AKAP13: variants seen among roughly 807,000 people sequenced by gnomAD.
The protein encoded by AKAP13 is A-kinase anchor protein 13.
AKAP13 carries 80 observed loss-of-function variants against 264.5 expected under a neutral mutation model. The observed-to-expected ratio is 0.30, with a 90% confidence interval of 0.25 to 0.36. The LOEUF (loss-of-function observed/expected upper bound fraction) is 0.36. Among genes scored for constraint, AKAP13 ranks in the 10% least tolerant of loss-of-function variants. The pLI is 1.00. For missense variants in AKAP13, 3,712 were observed against 3,435.2 expected, an observed-to-expected ratio of 1.08 and a Z score of -2.01; for synonymous variants, 1,380 against 1,250.2, an observed-to-expected ratio of 1.10 and a Z score of -2.19.
intron 1 of AKAP13, chr15:85,381,672 C>G (rs1316910003): frequency 6.6e-6 from 1 of 151,930 alleles, no homozygotes; most frequent in African/African-American, 2.4e-5. Flanking sequence ...GATACCGTCC[C>G]ATTTAATTTT....
chr15:85,733,932 C>T (rs1419973180), intron 30 of AKAP13, among the ~76,000 whole-genome samples: 1 of 120,668 alleles, frequency 8.3e-6, no homozygotes, highest in Non-Finnish European at 1.7e-5. Context: ...GGCTGCAGTG[C>T]AATGGTGCGA....
intron 1 of AKAP13, among the ~76,000 whole-genome samples, chr15:85,463,934 T>G (rs1260572121): frequency 6.6e-6 from 1 of 152,186 alleles, no homozygotes; most frequent in East Asian, 1.9e-4. Context: ...ACCATAACCT[T>G]TTTAGAAATG....
At chr15:85,568,516 T>C (rs16941624) in intron 5 of AKAP13, among the ~76,000 whole-genome samples, 29,670 of 152,066 alleles carry the variant, frequency 0.2, 3,356 homozygotes, top group East Asian at 0.35. Context: ...TAATTGTGGC[T>C]GGAAAAGAAC....
rs751871106 is a variant in AKAP13 at position 85,521,480 on chromosome 15, A to G, written c.86A>G (p.Asp29Gly). 1 of 1,614,132 alleles carries G rather than the reference A, an allele frequency of 6.2e-7. No individual in the cohort carries two copies. Among genetic ancestry groups the G allele is most frequent in the South Asian group, 1.1e-5 (1 of 91,084 alleles). Reference protein sequence around the residue: ...LLAEEDKAEDDVVFYLVFLGS... With the variant: ...LLAEEDKAEDGVVFYLVFLGS... ...GCTGAAGAGGACAAAGCTGAAGATG[A>G]TGTAGTGTTTTACTTGGTATTTTTG... is the stretch of plus-strand genomic sequence containing the variant. The change falls in exon 3 of 37, where the codon GAT becomes GGT. Residue 29 changes from aspartate (D) to glycine (G), a missense_variant. Physicochemically the swap from Asp to Gly is moderately conservative, Grantham distance 94. Around this residue, in one of 3 missense-constraint regions of AKAP13, gnomAD observed 2,759 missense variants for 2,411.7 expected, o/e 1.14. Transcript: ENST00000394518.
At chr15:85,552,511 C>A (rs1163219920) in intron 5 of AKAP13, among the ~76,000 whole-genome samples, 1 of 152,102 alleles carries the variant, frequency 6.6e-6, no homozygotes, top group Non-Finnish European at 1.5e-5. Flanking sequence ...CTTCTTAAAG[C>A]CTATTTTGTT....
intron 8 of AKAP13, among the ~76,000 whole-genome samples, chr15:85,595,263 C>G (rs1354256485): frequency 1.3e-5 from 2 of 152,024 alleles, no homozygotes; most frequent in African/African-American, 2.4e-5. Flanking sequence ...CCACACCTAG[C>G]TAATTTTTAA....
chr15:85,543,893 G>T lies in AKAP13; in HGVS notation c.600G>T (p.Gly200=). The change falls in exon 5 of 37, where the codon GGG becomes GGT. Residue 200 remains glycine (G), a synonymous_variant. Transcript: ENST00000394518. Reference sequence around the variant, plus strand: ...CTCTCAGTATCCACAACCAGGAAGGGGCGACGCCTGTGAGCTTGGCCTTGG... The same window carrying T: ...CTCTCAGTATCCACAACCAGGAAGGTGCGACGCCTGTGAGCTTGGCCTTGG... ...RGALSIHNQE[G]ATPVSLALER... is the part of the protein sequence containing the mutation. 1.2e-6 allele frequency: 2 copies of T among 1,614,078 alleles called. No homozygotes were observed. Among genetic ancestry groups the T allele is most frequent in the Non-Finnish European group, 1.7e-6 (2 of 1,180,008 alleles).
intron 29 of AKAP13, among the ~76,000 whole-genome samples, chr15:85,729,488 A>AC (rs2087835050): frequency 6.6e-6 from 1 of 152,150 alleles, no homozygotes. Flanking sequence ...CGTGCTGAGA[A>AC]CAAGGCATCT....
chr15:85,580,541 A>G lies in AKAP13; in HGVS notation c.2473A>G (p.Arg825Gly). ...TGAACTACATACAGCTACAGATTAT[A>G]GAGATGGCCCAGATGGAAATTCGAA... The part of the protein sequence containing the change: ...TPELHTATDY[R>G]DGPDGNSNEP... Residue 825 changes from arginine to glycine, a missense_variant, in exon 7 of 37, where the codon AGA becomes GGA. Transcript: ENST00000394518. 6.2e-7 allele frequency: 1 copy of G among 1,614,238 alleles called. No individual in the cohort carries two copies. Among genetic ancestry groups the G allele is most frequent in the Non-Finnish European group, 8.5e-7 (1 of 1,180,034 alleles).
rs149216944 is a variant in AKAP13 at position 85,620,469 on chromosome 15, C to T, written c.4162-18905C>T. Among the ~76,000 whole-genome samples the T allele has an allele frequency of 4.6e-5, 7 of 152,118 alleles. No homozygotes were observed. In the East Asian group the frequency reaches 9.6e-4, roughly 21 times the overall value. Reference sequence around the variant, plus strand: ...TGAAAATCACAGAGAGAGAAATTCACCTTCCAAGTTGCTCTGTTTGTCCTT... The same window carrying T: ...TGAAAATCACAGAGAGAGAAATTCATCTTCCAAGTTGCTCTGTTTGTCCTT... On this transcript the variant is annotated intron_variant, in intron 8 of 36. Transcript: ENST00000394518.
At position 85,715,930 on chromosome 15, in the gene AKAP13, G is replaced by A; in HGVS notation, c.5735+7G>A. The A allele has an allele frequency of 1.2e-6, 2 of 1,610,098 alleles. No homozygotes were observed. Among genetic ancestry groups the A allele is most frequent in the Non-Finnish European group, 1.7e-6 (2 of 1,178,920 alleles). ...CCATACAGAACATTACTGGGTAAGT[G>A]GAGATATTTAAAGATAGCACAGTTG... On this transcript the variant is annotated splice_region_variant and intron_variant, in intron 20 of 36. Transcript: ENST00000394518.
At chr15:85,562,574 A>AAAATATAT (rs1351834745) in intron 5 of AKAP13, among the ~76,000 whole-genome samples, 2 of 77,670 alleles carry the variant, frequency 2.6e-5, no homozygotes, top group East Asian at 2.9e-4. Flanking sequence ...CAAAAAAAAA[A>AAAATATAT]ATATATATAT....
intron 8 of AKAP13, among the ~76,000 whole-genome samples, chr15:85,589,057 T>C (rs774651944): frequency 6.6e-6 from 1 of 152,236 alleles, no homozygotes; most frequent in Non-Finnish European, 1.5e-5. Flanking sequence ...AGCATTCTTA[T>C]AATGATGTGA....
At chr15:85,595,729 C>A (rs1490784983) in intron 8 of AKAP13, among the ~76,000 whole-genome samples, 1 of 152,130 alleles carries the variant, frequency 6.6e-6, no homozygotes, top group Non-Finnish European at 1.5e-5. Flanking sequence ...TTTACTTTCA[C>A]AATACGCTCA....
intron 1 of AKAP13, among the ~76,000 whole-genome samples, chr15:85,394,528 CT>C (rs1567035999): frequency 6.6e-6 from 1 of 152,132 alleles, no homozygotes; most frequent in East Asian, 1.9e-4. Context: ...GGGAAAAAAT[CT>C]TTTATTTTTC....
At chr15:85,562,251 C>G (rs1218119842) in intron 5 of AKAP13, among the ~76,000 whole-genome samples, 1 of 151,996 alleles carries the variant, frequency 6.6e-6, no homozygotes, top group Non-Finnish European at 1.5e-5. Flanking sequence ...TGAGTACTTA[C>G]TAGTAGTATG....
intron 5 of AKAP13, chr15:85,555,448 A>G: frequency 7.8e-7 from 1 of 1,289,068 alleles, no homozygotes; most frequent in Non-Finnish European, 1.0e-6. Flanking sequence ...CCAAAACTAA[A>G]AGAGGATGGG....
chr15:85,424,827 G>C (rs1299010408), intron 1 of AKAP13, among the ~76,000 whole-genome samples: 2 of 152,150 alleles, frequency 1.3e-5, no homozygotes, highest in Non-Finnish European at 2.9e-5. Flanking sequence ...AGCCATCATG[G>C]GGTTATTCAT....
chr15:85,684,652 A>G, intron 15 of AKAP13, 89 bp from the exon 16 acceptor site: 1 of 1,398,686 alleles, frequency 7.1e-7, no homozygotes, highest in Non-Finnish European at 9.6e-7. Context: ...AAAGCCATTC[A>G]GCAGCCTTCA....
Sources: allele counts gnomAD v4.1 joint callset (sites outside exome capture counted in the v4.1 genomes callset), GRCh38; gene constraint gnomAD v4.1.1; regional missense constraint gnomAD v4.1.1; transcripts MANE v1.5; gene names NCBI Gene and HGNC (gene_info 2026-07-23, HGNC 2026-07-21).